The following CSMD3 variants were observed in gnomAD, a reference collection of about 807,000 sequenced individuals.
CSMD3 encodes CUB and Sushi multiple domains 3.
In CSMD3, 177 loss-of-function variants were observed where a neutral mutation model predicts 435.2. That is an observed-to-expected ratio of 0.41 (90% CI 0.36 to 0.46). The LOEUF (loss-of-function observed/expected upper bound fraction) is 0.46, where lower values mean the gene tolerates loss of function less well. CSMD3 is among the 20% of genes least tolerant of loss of function. CSMD3 has a pLI of 0.34. For missense variants in CSMD3, 4,265 were observed against 4,504.6 expected (o/e 0.95, Z 1.52); for synonymous variants, 1,656 against 1,520.5 (o/e 1.09, Z -2.07).
intron 13 of CSMD3, among the ~76,000 whole-genome samples, chr8:112,741,408 C>G (rs578261923): frequency 9.3e-4 from 141 of 151,818 alleles, no homozygotes; most frequent in African/African-American, 3.3e-3. Flanking sequence ...GTGAGGTAAT[C>G]TGACAATTAT....
chr8:112,476,915 A>G (rs1220098905), intron 31 of CSMD3, among the ~76,000 whole-genome samples: 1 of 152,160 alleles, frequency 6.6e-6, no homozygotes, highest in Non-Finnish European at 1.5e-5. Flanking sequence ...ACTCATCACC[A>G]CAAGTTCATA....
At chr8:112,580,289 TC>T (rs1830244971) in intron 23 of CSMD3, among the ~76,000 whole-genome samples, 2 of 151,834 alleles carry the variant, frequency 1.3e-5, no homozygotes, top group Non-Finnish European at 2.9e-5. Context: ...TTCTGCAATA[TC>T]CTATGCCACT....
chr8:112,847,358 C>T (rs1165850042), intron 11 of CSMD3, among the ~76,000 whole-genome samples: 1 of 152,130 alleles, frequency 6.6e-6, no homozygotes, highest in African/African-American at 2.4e-5. Flanking sequence ...CTGGGTATCA[C>T]TTACCCTATG....
intron 6 of CSMD3, among the ~76,000 whole-genome samples, chr8:112,997,624 T>A (rs946692020): frequency 4.0e-5 from 6 of 151,626 alleles, no homozygotes; most frequent in African/African-American, 1.4e-4. Flanking sequence ...TCTTAGTTTG[T>A]ATCAGTTGAC....
chr8:113,408,165 A>G (rs2094541453), intron 1 of CSMD3, among the ~76,000 whole-genome samples: 1 of 152,084 alleles, frequency 6.6e-6, no homozygotes, highest in Non-Finnish European at 1.5e-5. Flanking sequence ...GTACCAGAAT[A>G]TGGGCAACAA....
intron 4 of CSMD3, among the ~76,000 whole-genome samples, chr8:113,161,575 G>A (rs1276108758): frequency 6.6e-6 from 1 of 151,920 alleles, no homozygotes; most frequent in Non-Finnish European, 1.5e-5. Context: ...ACTTTTTGTG[G>A]TCTGCCAAAA....
At chr8:112,808,738 T>C (rs1259664746) in intron 12 of CSMD3, among the ~76,000 whole-genome samples, 1 of 152,132 alleles carries the variant, frequency 6.6e-6, no homozygotes, top group African/African-American at 2.4e-5. Context: ...TTGCTTCAGC[T>C]AGGCTCCCCC....
chr8:112,522,875 A>G (rs1824446008), intron 27 of CSMD3, among the ~76,000 whole-genome samples: 2 of 151,922 alleles, frequency 1.3e-5, no homozygotes, highest in South Asian at 4.1e-4. Flanking sequence ...CACTGGAAAT[A>G]TGCACTTCAC....
At chr8:113,213,158 A>C (rs939976106) in intron 3 of CSMD3, among the ~76,000 whole-genome samples, 1 of 152,074 alleles carries the variant, frequency 6.6e-6, no homozygotes, top group Non-Finnish European at 1.5e-5. Context: ...AGAAATGCAA[A>C]TGGAATCTAC....
intron 64 of CSMD3, among the ~76,000 whole-genome samples, chr8:112,244,934 G>A (rs1446775270): frequency 6.6e-6 from 1 of 151,960 alleles, no homozygotes; most frequent in East Asian, 1.9e-4. Flanking sequence ...GTGAAGTTCT[G>A]TGGTAAGATA....
chr8:112,529,834 C>T (rs566372826), intron 27 of CSMD3, among the ~76,000 whole-genome samples: 1 of 152,096 alleles, frequency 6.6e-6, no homozygotes, highest in Non-Finnish European at 1.5e-5. Flanking sequence ...AATCTCCAGA[C>T]AGCAGCCTTA....
At chr8:112,500,582 G>GATGGTACTAAATCAATGATA (rs1454516761) in intron 30 of CSMD3, among the ~76,000 whole-genome samples, 1 of 152,170 alleles carries the variant, frequency 6.6e-6, no homozygotes, top group East Asian at 1.9e-4. Flanking sequence ...AGCCCAATCA[G>GATGGTACTAAATCAATGATA]ATGGTACTAA....
At chr8:112,538,303 G>T (rs1419470163) in intron 27 of CSMD3, among the ~76,000 whole-genome samples, 1 of 152,008 alleles carries the variant, frequency 6.6e-6, no homozygotes, top group Non-Finnish European at 1.5e-5. Flanking sequence ...GGCCAAGAAT[G>T]ACCACTTTTA....
chr8:113,328,740 T>C (rs190695605), intron 1 of CSMD3, among the ~76,000 whole-genome samples: 8,741 of 107,532 alleles, frequency 0.081, 155 homozygotes, highest in Non-Finnish European at 0.095. Flanking sequence ...CTTTTCTTTT[T>C]TTTTTTTTTT....
At chr8:112,959,422 G>C (rs1428143774) in intron 7 of CSMD3, among the ~76,000 whole-genome samples, 1 of 151,932 alleles carries the variant, frequency 6.6e-6, no homozygotes, top group African/African-American at 2.4e-5. Context: ...TCTTGGAAGT[G>C]TCAGTAGCTG....
intron 32 of CSMD3, among the ~76,000 whole-genome samples, chr8:112,450,009 C>G (rs2130586376): frequency 6.6e-6 from 1 of 152,306 alleles, no homozygotes; most frequent in Non-Finnish European, 1.5e-5. Flanking sequence ...CAGGCATGAA[C>G]CACCGTGCCT....
rs148248788 is a variant in CSMD3 at position 112,343,729 on chromosome 8, T to C, written c.6443-2043A>G. Among the ~76,000 whole-genome samples, 482 of 152,246 alleles carry C rather than the reference T, an allele frequency of 3.2e-3. 3 individuals are homozygous for C. The highest frequency in any genetic ancestry group is 5.0e-3 in the Non-Finnish European group (339 of 68,004). On this transcript the variant is annotated intron_variant, in intron 41 of 70. Coordinates refer to ENST00000297405, the MANE Select transcript of CSMD3 (RefSeq NM_198123.2). ...GGCATGATCACAGCTCACTGTAAACTCAAACTCCGGTACTCAAGCAGTCCT... is the reference window on the plus strand; with the variant it reads ...GGCATGATCACAGCTCACTGTAAACCCAAACTCCGGTACTCAAGCAGTCCT...
intron 45 of CSMD3, among the ~76,000 whole-genome samples, chr8:112,321,350 C>T (rs1484206707): frequency 6.6e-6 from 1 of 151,876 alleles, no homozygotes; most frequent in East Asian, 1.9e-4. Context: ...GCTTCTATTG[C>T]AAAAAAGTAT....
intron 61 of CSMD3, among the ~76,000 whole-genome samples, chr8:112,262,942 C>G (rs567009126): frequency 6.6e-6 from 1 of 152,222 alleles, no homozygotes; most frequent in African/African-American, 2.4e-5. Context: ...TAGAGTCCTC[C>G]TCTATCCCAT....
Sources: gnomAD v4.1 joint callset for allele counts (sites outside exome capture counted in the v4.1 genomes callset) on GRCh38, gnomAD v4.1.1 for gene constraint, MANE v1.5 for transcripts, NCBI Gene and HGNC (gene_info 2026-07-23, HGNC 2026-07-21) for gene names.